Variants in NTM observed in about 807,000 individuals in gnomAD.
The protein encoded by NTM is neurotrimin.
Under a neutral mutation model 42.1 loss-of-function variants are expected in NTM, and 13 were observed. The ratio of observed to expected loss-of-function variants is 0.31; its 90% CI spans 0.20 to 0.49. NTM has a LOEUF of 0.49. NTM is among the 20% of genes least tolerant of loss of function. NTM has a pLI of 0.99. For synonymous variants in NTM, 187 were observed against 179.2 expected (o/e 1.04, Z -0.35); for missense variants, 373 against 452.8 (o/e 0.82, Z 1.60).
chr11:131,876,630 T>C (rs1382560983), intron 1 of NTM, among the ~76,000 whole-genome samples: 1 of 152,238 alleles, frequency 6.6e-6, no homozygotes, highest in Non-Finnish European at 1.5e-5. Context: ...TGTTTTCTCT[T>C]TGTGCAGTAG....
Position 132,211,969 on chromosome 11 carries a change from A to G in NTM, c.401-53A>G, listed in dbSNP as rs966758774. The G allele has an allele frequency of 2.6e-5, 41 of 1,577,812 alleles. No individual in the cohort carries two copies. In the African/African-American group the frequency reaches 4.9e-4, roughly 19 times the overall value. The stretch of plus-strand genomic sequence containing the variant: ...TTCTGCCAACTACCATGTTAAGACA[A>G]CTAAGAAATGTTTCAGGAGGATTTT... On this transcript the variant is annotated intron_variant, in intron 3 of 8. Coordinates refer to ENST00000683400, the MANE Select transcript of NTM (RefSeq NM_001352005.2).
intron 2 of NTM, among the ~76,000 whole-genome samples, chr11:132,069,139 A>G (rs2056979670): frequency 6.9e-6 from 1 of 144,236 alleles, no homozygotes; most frequent in Non-Finnish European, 1.5e-5. Flanking sequence ...ACACAGCCAA[A>G]ACACGTCAAA....
chr11:131,808,434 G>T (rs2092604542), intron 1 of NTM, among the ~76,000 whole-genome samples: 1 of 152,066 alleles, frequency 6.6e-6, no homozygotes, highest in Non-Finnish European at 1.5e-5. Flanking sequence ...ATCTAAGATG[G>T]GCCACACACA....
chr11:131,993,238 T>C (rs1420913068), intron 2 of NTM, among the ~76,000 whole-genome samples: 2 of 152,070 alleles, frequency 1.3e-5, no homozygotes, highest in Non-Finnish European at 2.9e-5. Context: ...TGGGAGTGCA[T>C]TGCAGTCATC....
At chr11:132,289,379 G>A (rs2094374125) in intron 4 of NTM, among the ~76,000 whole-genome samples, 1 of 152,190 alleles carries the variant, frequency 6.6e-6, no homozygotes, top group African/African-American at 2.4e-5. Flanking sequence ...AGCCTTTGGT[G>A]TACTGTCCTG....
At chr11:132,233,343 C>G (rs147177294) in intron 4 of NTM, among the ~76,000 whole-genome samples, 1 of 152,282 alleles carries the variant, frequency 6.6e-6, no homozygotes, top group East Asian at 1.9e-4. Context: ...TCAGTTGAAC[C>G]TGGGAGGCAG....
At chr11:132,321,116 C>A (rs559119850) in intron 7 of NTM, among the ~76,000 whole-genome samples, 5 of 152,142 alleles carry the variant, frequency 3.3e-5, no homozygotes, top group Non-Finnish European at 7.3e-5. Context: ...AAAAGCTGAG[C>A]GCCTCTCCTC....
chr11:132,062,588 AAAGT>A (rs1205757770), intron 2 of NTM, among the ~76,000 whole-genome samples: 1 of 152,192 alleles, frequency 6.6e-6, no homozygotes, highest in Non-Finnish European at 1.5e-5. Flanking sequence ...AAAAAAAATA[AAAGT>A]ATGTTGGGCC....
chr11:131,859,132 G>A (rs947570877), intron 1 of NTM, among the ~76,000 whole-genome samples: 8 of 152,066 alleles, frequency 5.3e-5, no homozygotes, highest in African/African-American at 1.7e-4. Flanking sequence ...CCGTCTGTCC[G>A]TCCATTCATC....
intron 1 of NTM, among the ~76,000 whole-genome samples, chr11:131,796,650 G>A (rs2091597539): frequency 6.6e-6 from 1 of 152,210 alleles, no homozygotes; most frequent in East Asian, 1.9e-4. Context: ...GCAGCATAGA[G>A]AGGGTGCATC....
chr11:131,716,107 C>T (rs561136280), intron 1 of NTM, among the ~76,000 whole-genome samples: 13 of 152,282 alleles, frequency 8.5e-5, no homozygotes, highest in African/African-American at 2.6e-4. Flanking sequence ...AATTCACTTA[C>T]GGTGAGGACC....
intron 1 of NTM, among the ~76,000 whole-genome samples, chr11:131,507,010 C>T (rs2047569683): frequency 6.6e-6 from 1 of 152,182 alleles, no homozygotes; most frequent in Non-Finnish European, 1.5e-5. Context: ...GAATGACTCT[C>T]TAAGCCTGGG....
intron 1 of NTM, among the ~76,000 whole-genome samples, chr11:131,832,222 G>C (rs1038786911): frequency 3.3e-5 from 5 of 150,838 alleles, no homozygotes; most frequent in Non-Finnish European, 7.4e-5. Flanking sequence ...ATATGTATGC[G>C]TGATGCTTCC....
chr11:131,978,438 A>G (rs1332442262), intron 2 of NTM, among the ~76,000 whole-genome samples: 4 of 152,198 alleles, frequency 2.6e-5, no homozygotes, highest in Admixed American at 2.0e-4. Flanking sequence ...AATCTTACTC[A>G]TTATTAAGAA....
At chr11:132,048,207 C>T (rs930217956) in intron 2 of NTM, among the ~76,000 whole-genome samples, 1 of 152,150 alleles carries the variant, frequency 6.6e-6, no homozygotes, top group Admixed American at 6.5e-5. Context: ...ATCCTCTCTG[C>T]TGCCAAATGT....
intron 2 of NTM, among the ~76,000 whole-genome samples, chr11:131,994,540 CAT>C (rs1449026182): frequency 6.6e-6 from 1 of 152,148 alleles, no homozygotes; most frequent in Admixed American, 6.5e-5. Flanking sequence ...GAAACAGGAG[CAT>C]CTAATGTGAG....
chr11:131,752,794 G>A (rs576143436), intron 1 of NTM, among the ~76,000 whole-genome samples: 51 of 105,230 alleles, frequency 4.8e-4, no homozygotes, highest in South Asian at 1.3e-3. Context: ...AACCCTAGAA[G>A]AAAACCGCGC....
At chr11:131,453,552 A>T (rs1291094690) in intron 1 of NTM, among the ~76,000 whole-genome samples, 2 of 148,288 alleles carry the variant, frequency 1.3e-5, no homozygotes, top group African/African-American at 5.2e-5. Context: ...AAAAAAAAAT[A>T]ACAAAGAAAA....
chr11:131,498,417 TG>T (rs1955580465), intron 1 of NTM, among the ~76,000 whole-genome samples: 1 of 152,226 alleles, frequency 6.6e-6, no homozygotes, highest in Non-Finnish European at 1.5e-5. Flanking sequence ...CATACTTTTT[TG>T]TACTGTTACT....
Sources: allele counts gnomAD v4.1 joint callset (sites outside exome capture counted in the v4.1 genomes callset), GRCh38; gene constraint gnomAD v4.1.1; transcripts MANE v1.5; gene names NCBI Gene and HGNC (gene_info 2026-07-23, HGNC 2026-07-21).